NEBL: variants seen among roughly 807,000 people sequenced by gnomAD.
The protein encoded by NEBL is nebulette.
Under a neutral mutation model 140.2 loss-of-function variants are expected in NEBL, and 122 were observed. That is an observed-to-expected ratio of 0.87 (90% confidence interval 0.75 to 1.01). NEBL has a LOEUF of 1.01. NEBL is among the 50% of genes least tolerant of loss of function. The pLI, the probability that NEBL is intolerant of heterozygous loss-of-function variation, is 0.00. For synonymous variants in NEBL, 436 were observed against 398.9 expected, an observed-to-expected ratio of 1.09 and a Z score of -1.11; for missense variants, 1,365 against 1,231.3, an observed-to-expected ratio of 1.11 and a Z score of -1.62.
At chr10:21,151,287 C>G (rs1466928387) in intron 2 of NEBL, among the ~76,000 whole-genome samples, 1 of 152,194 alleles carries the variant, frequency 6.6e-6, no homozygotes, top group African/African-American at 2.4e-5. Context: ...ACAGAATCCT[C>G]CTGCGTCACC....
intron 3 of NEBL, among the ~76,000 whole-genome samples, chr10:20,970,089 T>G (rs1039696137): frequency 6.6e-6 from 1 of 152,194 alleles, no homozygotes; most frequent in Non-Finnish European, 1.5e-5. Flanking sequence ...TTGTGAGAAT[T>G]AAATGAGATA....
At chr10:20,841,576 T>C (rs1841414077) in intron 12 of NEBL, 1 of 152,226 alleles carries the variant, frequency 6.6e-6, no homozygotes, top group African/African-American at 2.4e-5. Context: ...CCATAGATAA[T>C]GAAATGTGCA....
intron 3 of NEBL, among the ~76,000 whole-genome samples, chr10:21,231,804 CT>C (rs1174835772): frequency 1.3e-5 from 2 of 151,744 alleles, no homozygotes; most frequent in Admixed American, 1.3e-4. Context: ...AAGATGAAAA[CT>C]AAAAATAAAA....
At position 20,785,101 on chromosome 10, in the gene NEBL, AG is replaced by A. The variant is rs1294773289; in HGVS notation, c.*645del. ...GAACTGAGCATAGACTTGGGTCCAT[AG>A]AATATAAATGGAGAGTAGGAGATGC... On this transcript the variant is annotated 3_prime_UTR_variant, in exon 28 of 28. Coordinates refer to ENST00000377122, the MANE Select transcript of NEBL (RefSeq NM_006393.3). 3 of 153,966 alleles carry A rather than the reference AG, an allele frequency of 1.9e-5. No individual in the cohort carries two copies. Among genetic ancestry groups the A allele is most frequent in the African/African-American group, 7.2e-5 (3 of 41,454 alleles). 9.5% of individuals were successfully genotyped at this position (153,966 alleles called of 1,614,324 possible).
chr10:21,255,319 G>A (rs1220972471), intron 1 of NEBL, among the ~76,000 whole-genome samples: 1 of 152,074 alleles, frequency 6.6e-6, no homozygotes, highest in Non-Finnish European at 1.5e-5. Context: ...AACCAAGGTT[G>A]AGAGGAGGAG....
intron 3 of NEBL, among the ~76,000 whole-genome samples, chr10:21,243,664 T>A (rs1478141437): frequency 6.6e-6 from 1 of 152,132 alleles, no homozygotes; most frequent in Non-Finnish European, 1.5e-5. Flanking sequence ...TTTAAAAATT[T>A]CAGTAACTGT....
At chr10:20,994,547 A>G (rs1164934149) in intron 3 of NEBL, among the ~76,000 whole-genome samples, 10 of 152,226 alleles carry the variant, frequency 6.6e-5, no homozygotes, top group Admixed American at 6.5e-4. Context: ...AAAAGCCAAC[A>G]GTTGACCCTT....
rs71390799 is a variant in NEBL, at chr10:20,923,666, C to CAAAAAAAAAAAAAAAAAAAAAAAAAAA, written c.357+37979_357+38005dup. On this transcript the variant is annotated intron_variant, in intron 4 of 6. Transcript: ENST00000417816. ...TGCACTCCAGAGCAAGACTCCGTCT[C>CAAAAAAAAAAAAAAAAAAAAAAAAAAA]AAAAAAAAAAAAAAAAAAAAAAAAA... 3.5e-4 allele frequency among the ~76,000 whole-genome samples: 10 copies of CAAAAAAAAAAAAAAAAAAAAAAAAAAA among 28,368 alleles called. 1 individual carries two copies. The highest frequency in any genetic ancestry group is 1.0e-3 in the African/African-American group (8 of 8,038). The allele number at this position is 28,368 out of a possible 152,430, so 18.6% of individuals were successfully genotyped here.
intron 2 of NEBL, among the ~76,000 whole-genome samples, chr10:21,163,562 T>C (rs2132159936): frequency 6.6e-6 from 1 of 152,258 alleles, no homozygotes; most frequent in South Asian, 2.1e-4. Context: ...ACCTTCTAAC[T>C]CCCGCTCCAC....
At chr10:21,257,532 A>C (rs1489974425) in intron 1 of NEBL, among the ~76,000 whole-genome samples, 2 of 152,256 alleles carry the variant, frequency 1.3e-5, no homozygotes, top group African/African-American at 4.8e-5. Context: ...ACTGAAAAAC[A>C]CTAAAAAAGT....
chr10:21,087,697 T>C (rs1023629271), intron 2 of NEBL, among the ~76,000 whole-genome samples: 1 of 152,234 alleles, frequency 6.6e-6, no homozygotes, highest in African/African-American at 2.4e-5. Context: ...TGACAATTAG[T>C]TCCGCTGTTT....
intron 5 of NEBL, among the ~76,000 whole-genome samples, chr10:20,874,623 T>C (rs1845301509): frequency 6.6e-6 from 1 of 152,216 alleles, no homozygotes; most frequent in South Asian, 2.1e-4. Flanking sequence ...TGCCTGAAGA[T>C]AGCTTGGATT....
At chr10:21,168,002 C>A (rs997203997) in intron 2 of NEBL, among the ~76,000 whole-genome samples, 1 of 152,020 alleles carries the variant, frequency 6.6e-6, no homozygotes, top group African/African-American at 2.4e-5. Flanking sequence ...GCGTTAGGAG[C>A]AAAATGGGTA....
At chr10:20,913,368 A>G (rs1372607933) in intron 4 of NEBL, among the ~76,000 whole-genome samples, 2 of 152,218 alleles carry the variant, frequency 1.3e-5, no homozygotes, top group Admixed American at 6.5e-5. Flanking sequence ...CTCCTGTGGG[A>G]CAAAGAAAAA....
intron 2 of NEBL, among the ~76,000 whole-genome samples, chr10:21,142,852 T>A (rs1839703883): frequency 6.6e-6 from 1 of 151,946 alleles, no homozygotes; most frequent in Non-Finnish European, 1.5e-5. Context: ...GACAGTGTCA[T>A]CCTGAAACCA....
intron 3 of NEBL, among the ~76,000 whole-genome samples, chr10:21,243,524 C>A (rs1279319776): frequency 6.6e-5 from 10 of 152,000 alleles, no homozygotes; most frequent in Admixed American, 6.6e-4. Context: ...CCAGGGTGGT[C>A]TCATACTCCT....
chr10:20,860,706 T>C (rs995471928), intron 7 of NEBL, among the ~76,000 whole-genome samples: 2 of 152,180 alleles, frequency 1.3e-5, no homozygotes, highest in African/African-American at 2.4e-5. Flanking sequence ...ATGTTATAAT[T>C]ATTACCATGT....
At chr10:21,220,156 G>A (rs770383134) in intron 3 of NEBL, among the ~76,000 whole-genome samples, 2 of 152,014 alleles carry the variant, frequency 1.3e-5, no homozygotes, top group East Asian at 1.9e-4. Flanking sequence ...CAAGTGATCC[G>A]CCCATCTTGG....
At chr10:20,924,094 A>G (rs1047655183) in intron 4 of NEBL, among the ~76,000 whole-genome samples, 16 of 152,112 alleles carry the variant, frequency 1.1e-4, no homozygotes, top group African/African-American at 3.6e-4. Context: ...CAAATCCAAA[A>G]TCACTCTAAA....
Sources: allele counts gnomAD v4.1 joint callset (sites outside exome capture counted in the v4.1 genomes callset), GRCh38; gene constraint gnomAD v4.1.1; transcripts MANE v1.5; gene names NCBI Gene and HGNC (gene_info 2026-07-23, HGNC 2026-07-21).